AGPAT3: variants seen among roughly 807,000 people sequenced by gnomAD.
AGPAT3 encodes 1-acylglycerol-3-phosphate O-acyltransferase 3.
Under a neutral mutation model 47.3 loss-of-function variants are expected in AGPAT3, and 5 were observed. The ratio of observed to expected loss-of-function variants is 0.11; its 90% CI spans 0.06 to 0.22. AGPAT3 has a LOEUF of 0.22. Ranked by LOEUF, AGPAT3 falls within the 10% of genes least tolerant of loss-of-function variation. The pLI, the probability that AGPAT3 is intolerant of heterozygous loss-of-function variation, is 1.00. For missense variants in AGPAT3, 315 were observed against 493.0 expected, an observed-to-expected ratio of 0.64 and a Z score of 3.42; for synonymous variants, 212 against 208.3, an observed-to-expected ratio of 1.02 and a Z score of -0.15.
intron 1 of AGPAT3, among the ~76,000 whole-genome samples, chr21:43,881,144 A>T (rs1397767230): frequency 6.6e-6 from 1 of 152,240 alleles, no homozygotes; most frequent in Non-Finnish European, 1.5e-5. Context: ...TTTGTGGAAG[A>T]AAAAGAAAAC....
chr21:43,980,930 T>C lies in AGPAT3; in HGVS notation c.844-59T>C, dbSNP rs558965450. ...TCATTGCCAACAATCTTCTCCTGCA[T>C]TGAAATAATAGCTTGTAAAGAAGCC... is the stretch of plus-strand genomic sequence containing the variant. On this transcript the variant is annotated intron_variant, in intron 8 of 9. Coordinates refer to ENST00000291572, the MANE Select transcript of AGPAT3 (RefSeq NM_020132.5). 1.9e-5 allele frequency: 26 copies of C among 1,371,286 alleles called. 1 individual carries two copies. In the South Asian group the frequency reaches 1.9e-4, roughly 10 times the overall value. The allele number at this position is 1,371,286 out of a possible 1,614,324, so 84.9% of individuals were successfully genotyped here.
rs182677171 is a variant in AGPAT3 at position 43,952,452 on chromosome 21, G to T, written c.-48-7182G>T. 6.6e-6 allele frequency among the ~76,000 whole-genome samples: 1 copy of T among 152,188 alleles called. No homozygotes were observed. Among genetic ancestry groups the T allele is most frequent in the Non-Finnish European group, 1.5e-5 (1 of 68,006 alleles). On this transcript the variant is annotated intron_variant, in intron 2 of 9. Transcript: ENST00000291572. This position sits in a 1 kb window ranked among gnomAD's most constrained non-coding sequence, Gnocchi z 5.6. ...AAAGGTGGCAGAATTGGGTGTGGGC[G>T]TGTGGGGCTGGGCTCTGATTGGCAA...
intron 2 of AGPAT3, among the ~76,000 whole-genome samples, chr21:43,943,958 A>G (rs1048052940): frequency 1.3e-5 from 2 of 152,158 alleles, no homozygotes; most frequent in African/African-American, 4.8e-5. Context: ...GCCTGGGCCC[A>G]GTGGTGGCAG....
rs536565083 is a variant in AGPAT3 at position 43,929,724 on chromosome 21, C to T, written c.-49+25705C>T. Among the ~76,000 whole-genome samples the T allele has an allele frequency of 5.9e-5, 9 of 152,322 alleles. No individual in the cohort carries two copies. In the East Asian group the frequency reaches 1.5e-3, roughly 26 times the overall value. On this transcript the variant is annotated intron_variant, in intron 2 of 9. Transcript: ENST00000291572. ...CTTACTGGGATGGAGGGAGAAGACG[C>T]GGCCCACATTCCTCAGGCTGGAGGG...
At chr21:43,975,144 G>A (rs2089558264) in intron 7 of AGPAT3, among the ~76,000 whole-genome samples, 1 of 151,766 alleles carries the variant, frequency 6.6e-6, no homozygotes, top group African/African-American at 2.4e-5. Context: ...CATGTGGTAT[G>A]TGTCGAGGTG....
Position 43,982,257 on chromosome 21 carries a change from G to A in AGPAT3, c.1043-47G>A. On this transcript the variant is annotated intron_variant, in intron 9 of 9. Coordinates refer to ENST00000291572, the MANE Select transcript of AGPAT3 (RefSeq NM_020132.5). This position sits in a 1 kb window ranked among gnomAD's most constrained non-coding sequence, Gnocchi z 6.2. ...CAGTAACACGTTTTACAGCAAAAAG[G>A]CAAAGTCATCCGTCTCACCTCTTCT... 6.7e-7 allele frequency: 1 copy of A among 1,493,362 alleles called. No homozygotes were observed. The highest frequency in any genetic ancestry group is 9.3e-7 in the Non-Finnish European group (1 of 1,077,690). The allele number at this position is 1,493,362 out of a possible 1,614,324, so 92.5% of individuals were successfully genotyped here.
intron 2 of AGPAT3, among the ~76,000 whole-genome samples, chr21:43,906,742 C>G (rs1355033266): frequency 6.6e-6 from 1 of 152,266 alleles, no homozygotes; most frequent in Non-Finnish European, 1.5e-5. Flanking sequence ...TTCATCAGGC[C>G]TGTGTGCCCT....
At chr21:43,896,956 T>G (rs1185191910) in intron 1 of AGPAT3, among the ~76,000 whole-genome samples, 3 of 146,310 alleles carry the variant, frequency 2.1e-5, no homozygotes, top group Admixed American at 1.4e-4. Flanking sequence ...TTTTTTTTTT[T>G]TTTTTTTTTT....
At chr21:43,953,883 C>G (rs1569086838) in intron 2 of AGPAT3, among the ~76,000 whole-genome samples, 1 of 152,194 alleles carries the variant, frequency 6.6e-6, no homozygotes, top group African/African-American at 2.4e-5. Context: ...CCTGTAATCC[C>G]AGCACTCTGG....
intron 7 of AGPAT3, among the ~76,000 whole-genome samples, chr21:43,974,592 GGTGT>G (rs985259409): frequency 1.3e-5 from 2 of 150,484 alleles, no homozygotes; most frequent in African/African-American, 2.4e-5. Context: ...TCGTGAGGGT[GGTGT>G]GTGTGTGGTG....
At chr21:43,901,788 C>G (rs1170119385) in intron 1 of AGPAT3, among the ~76,000 whole-genome samples, 1 of 151,830 alleles carries the variant, frequency 6.6e-6, no homozygotes, top group Admixed American at 6.6e-5. Flanking sequence ...GAAAAAAGAC[C>G]CAAATAAATC....
At chr21:43,888,794 G>A (rs1341867289) in intron 1 of AGPAT3, among the ~76,000 whole-genome samples, 1 of 152,142 alleles carries the variant, frequency 6.6e-6, no homozygotes, top group African/African-American at 2.4e-5. Context: ...TTCGAAACCA[G>A]CTTGGCCAAC....
intron 2 of AGPAT3, among the ~76,000 whole-genome samples, chr21:43,945,881 GT>G (rs2087862658): frequency 1.3e-5 from 2 of 152,182 alleles, no homozygotes; most frequent in African/African-American, 2.4e-5. Context: ...GCGTGGCTTT[GT>G]CAGAACTCAT....
chr21:43,890,504 G>T (rs560910141), intron 1 of AGPAT3, among the ~76,000 whole-genome samples: 1 of 149,836 alleles, frequency 6.7e-6, no homozygotes, highest in Non-Finnish European at 1.5e-5. Context: ...TCTTGACCTC[G>T]TGGGCTCAAG....
At chr21:43,925,905 C>T (rs930342908) in intron 2 of AGPAT3, among the ~76,000 whole-genome samples, 2 of 152,284 alleles carry the variant, frequency 1.3e-5, no homozygotes, top group African/African-American at 4.8e-5. Context: ...AAACCCAGAG[C>T]TGGCCTCTCT....
In AGPAT3 at chr21:43,880,393, G is replaced by A. The variant is rs1246955703; in HGVS notation, c.-112+15048G>A. Among the ~76,000 whole-genome samples the A allele has an allele frequency of 1.3e-5, 2 of 152,202 alleles. No homozygotes were observed. The highest frequency in any genetic ancestry group is 2.4e-5 in the African/African-American group (1 of 41,444). On this transcript the variant is annotated intron_variant, in intron 1 of 9. Coordinates refer to ENST00000291572, the MANE Select transcript of AGPAT3 (RefSeq NM_020132.5). This position sits in a 1 kb window ranked among gnomAD's most constrained non-coding sequence, Gnocchi z 4.5. Reference sequence around the variant, plus strand: ...GGTCAGCCTGTTCTTGTCTTGTTCTGGTGCCACTTCCTCAGGTATGCGAGG... The same window carrying A: ...GGTCAGCCTGTTCTTGTCTTGTTCTAGTGCCACTTCCTCAGGTATGCGAGG...
chr21:43,877,346 T>C (rs1202255995), intron 1 of AGPAT3, among the ~76,000 whole-genome samples: 20 of 152,236 alleles, frequency 1.3e-4, no homozygotes, highest in Admixed American at 1.3e-3. Context: ...CTGCTGTACA[T>C]ATACATGGCA....
intron 2 of AGPAT3, among the ~76,000 whole-genome samples, chr21:43,935,378 G>C (rs1334587381): frequency 6.6e-6 from 1 of 152,246 alleles, no homozygotes; most frequent in East Asian, 1.9e-4. Flanking sequence ...GCTGAGCCGG[G>C]GTCCCCAGCT....
chr21:43,941,330 CT>C lies in AGPAT3; in HGVS notation c.-48-18303del, dbSNP rs560156536. 1.3e-3 allele frequency among the ~76,000 whole-genome samples: 205 copies of C among 152,320 alleles called. 1 individual carries two copies. Among genetic ancestry groups the C allele is most frequent in the African/African-American group, 4.7e-3 (197 of 41,550 alleles). On this transcript the variant is annotated intron_variant, in intron 2 of 9. Coordinates refer to ENST00000291572, the MANE Select transcript of AGPAT3 (RefSeq NM_020132.5). ...CCATTGCTAACAGCGGGGAGGGTCA[CT>C]GCAGGTGACACAGGCAGGAGGATGC... is the stretch of plus-strand genomic sequence containing the variant.
Sources: allele counts gnomAD v4.1 joint callset (sites outside exome capture counted in the v4.1 genomes callset), GRCh38; gene constraint gnomAD v4.1.1; non-coding constraint Gnocchi (gnomAD v3.1); transcripts MANE v1.5; gene names NCBI Gene and HGNC (gene_info 2026-07-23, HGNC 2026-07-21).